Variants in EFHD1 observed in about 807,000 individuals in gnomAD.
EFHD1 encodes the protein EF-hand domain-containing protein D1.
In EFHD1, 10 loss-of-function variants were observed where a neutral mutation model predicts 17.2. The observed-to-expected ratio is 0.58, with a 90% CI of 0.36 to 0.99. The LOEUF is 0.99. Ranked by LOEUF, EFHD1 falls within the 50% of genes least tolerant of loss-of-function variation. The pLI is 0.01. For missense variants in EFHD1, 310 were observed against 327.5 expected (o/e 0.95, Z 0.41); for synonymous variants, 153 against 142.0 (o/e 1.08, Z -0.55).
chr2:232,664,723 C>T (rs13384158), intron 2 of EFHD1, among the ~76,000 whole-genome samples: 2 of 147,204 alleles, frequency 1.4e-5, no homozygotes, highest in African/African-American at 2.5e-5. Context: ...ACGCCATTCT[C>T]CTGCCTCAGC....
In EFHD1 at chr2:232,666,934, G is replaced by A. The variant is rs116248971; in HGVS notation, c.450+3985G>A. On this transcript the variant is annotated intron_variant, in intron 2 of 3. Transcript: ENST00000264059. ...ACACAAAGCTAGGTCCCCAGAGTGA[G>A]ATCTTTTACTTCTGAGCCTCAGTGT... 2.7e-3 allele frequency among the ~76,000 whole-genome samples: 414 copies of A among 152,356 alleles called. 2 individuals are homozygous for A. Among genetic ancestry groups the A allele is most frequent in the African/African-American group, 9.3e-3 (385 of 41,580 alleles).
chr2:232,642,470 CTT>C (rs1694450922), intron 1 of EFHD1, among the ~76,000 whole-genome samples: 2 of 150,868 alleles, frequency 1.3e-5, no homozygotes, highest in African/African-American at 4.9e-5. Context: ...GAGCTCTTGA[CTT>C]CCGGTCTTGG....
At chr2:232,625,892 T>C (rs1393433325) in intron 1 of EFHD1, among the ~76,000 whole-genome samples, 1 of 152,130 alleles carries the variant, frequency 6.6e-6, no homozygotes, top group East Asian at 1.9e-4. Flanking sequence ...ATTAATTGCA[T>C]TTAAGAATGT....
chr2:232,673,682 G>A (rs16829401), intron 3 of EFHD1, among the ~76,000 whole-genome samples: 7 of 151,984 alleles, frequency 4.6e-5, no homozygotes, highest in African/African-American at 1.2e-4. Context: ...ATAATTTATC[G>A]TTTCAAGGCA....
chr2:232,669,564 C>G (rs998628092), intron 2 of EFHD1, among the ~76,000 whole-genome samples: 3 of 150,780 alleles, frequency 2.0e-5, no homozygotes, highest in Non-Finnish European at 4.4e-5. Context: ...TAACCTATCA[C>G]TCTACTTTAA....
intron 1 of EFHD1, among the ~76,000 whole-genome samples, chr2:232,625,962 G>C (rs192324997): frequency 1.3e-5 from 2 of 151,804 alleles, no homozygotes; most frequent in Admixed American, 1.3e-4. Flanking sequence ...AGGCTGCGGC[G>C]GGAGGATTGC....
chr2:232,652,405 G>A (rs992064687), intron 1 of EFHD1, among the ~76,000 whole-genome samples: 3 of 152,020 alleles, frequency 2.0e-5, no homozygotes, highest in Admixed American at 6.6e-5. Flanking sequence ...CCAAGTTCAC[G>A]GGTACATCGT....
At chr2:232,612,588 C>G (rs894482025) in intron 1 of EFHD1, among the ~76,000 whole-genome samples, 1 of 152,080 alleles carries the variant, frequency 6.6e-6, no homozygotes, top group Admixed American at 6.6e-5. Context: ...CATTTCCACC[C>G]CATTGGAGTG....
intron 1 of EFHD1, among the ~76,000 whole-genome samples, chr2:232,614,336 A>G (rs1693879510): frequency 6.6e-6 from 1 of 151,780 alleles, no homozygotes; most frequent in Admixed American, 6.6e-5. Flanking sequence ...CACCTCCTCC[A>G]TCTCTTAGCC....
chr2:232,680,597 C>T (rs1174697603), intron 3 of EFHD1, among the ~76,000 whole-genome samples: 1 of 152,030 alleles, frequency 6.6e-6, no homozygotes, highest in East Asian at 1.9e-4. Flanking sequence ...GCAGCCTCGA[C>T]CTCCAAGGCT....
In EFHD1 at chr2:232,662,784, A is replaced by T. The variant is rs1694897693; in HGVS notation, c.303-18A>T. On this transcript the variant is annotated intron_variant, in intron 1 of 3. Coordinates refer to ENST00000264059, the MANE Select transcript of EFHD1 (RefSeq NM_025202.4). ...GAGTGTCCTTTCATCCCGGTCATGC[A>T]TTCCTTTGACCCTGCAGGTATGACG... 1 of 1,554,260 alleles carries T rather than the reference A, an allele frequency of 6.4e-7. No homozygotes were observed. The highest frequency in any genetic ancestry group is 2.2e-5 in the Admixed American group (1 of 45,724).
intron 1 of EFHD1, among the ~76,000 whole-genome samples, chr2:232,624,665 G>T (rs75407123): frequency 6.6e-6 from 1 of 152,232 alleles, no homozygotes; most frequent in African/African-American, 2.4e-5. Flanking sequence ...TCACTTTAAG[G>T]GTTTCCCAAA....
At chr2:232,633,347 G>C (rs1694239327), upstream of EFHD1, 1 of 533,444 alleles carries the variant, frequency 1.9e-6, no homozygotes, top group Admixed American at 5.5e-5. Flanking sequence ...GCTGACAGGG[G>C]CAGCAAGGTC....
chr2:232,658,706 C>G (rs1037676559), intron 1 of EFHD1, among the ~76,000 whole-genome samples: 4 of 151,752 alleles, frequency 2.6e-5, no homozygotes, highest in Admixed American at 6.6e-5. Context: ...GAGGCAAATC[C>G]ATACAGACAG....
At chr2:232,606,326 A>G (rs1278698131) in intron 1 of EFHD1, among the ~76,000 whole-genome samples, 4 of 152,100 alleles carry the variant, frequency 2.6e-5, no homozygotes, top group African/African-American at 7.2e-5. Context: ...TGCCCCGCGC[A>G]CGGTCTGCGA....
rs541218145 is a variant in EFHD1, at chr2:232,642,527, G to A, written c.302+8521G>A. Among the ~76,000 whole-genome samples, 7 of 152,232 alleles carry A rather than the reference G, an allele frequency of 4.6e-5. 1 individual carries two copies. In the South Asian group the frequency reaches 1.5e-3, roughly 32 times the overall value. ...TGGAATTGCACTCTCACACCTGCTGGGAGACCTTGCTTTTCAAGGGGGTGT... is the reference window on the plus strand; with the variant it reads ...TGGAATTGCACTCTCACACCTGCTGAGAGACCTTGCTTTTCAAGGGGGTGT... On this transcript the variant is annotated intron_variant, in intron 1 of 3. Transcript: ENST00000264059.
chr2:232,629,863 TC>T (rs1464674165), upstream of EFHD1, among the ~76,000 whole-genome samples: 8 of 151,960 alleles, frequency 5.3e-5, no homozygotes, highest in African/African-American at 1.4e-4. Context: ...GTTTTTTTTT[TC>T]CATATATAGA....
chr2:232,648,432 G>T (rs1694573613), intron 1 of EFHD1, among the ~76,000 whole-genome samples: 1 of 152,180 alleles, frequency 6.6e-6, no homozygotes, highest in African/African-American at 2.4e-5. Context: ...CAGGAAGGAG[G>T]AGCAGGTGAT....
intron 3 of EFHD1, among the ~76,000 whole-genome samples, chr2:232,677,207 T>TACAC (rs61607311): frequency 0.16 from 20,583 of 131,046 alleles, 1,715 homozygotes; most frequent in Middle Eastern, 0.26. Context: ...ACCCCATCTC[T>TACAC]ACACACACAC....
Sources: gnomAD v4.1 joint callset for allele counts (sites outside exome capture counted in the v4.1 genomes callset) on GRCh38, gnomAD v4.1.1 for gene constraint, MANE v1.5 for transcripts, NCBI Gene and HGNC (gene_info 2026-07-23, HGNC 2026-07-21) for gene names.